Variants in NTM observed in about 807,000 individuals in gnomAD.
The protein encoded by NTM is neurotrimin, also known as IgLON family member 2.
A neutral mutation model predicts 42.1 loss-of-function variants in NTM; 13 were observed. The ratio of observed to expected loss-of-function variants is 0.31; its 90% CI spans 0.20 to 0.49. NTM has a LOEUF of 0.49. Ranked by LOEUF, NTM falls within the 20% of genes least tolerant of loss-of-function variation. NTM has a pLI of 0.99. For missense variants in NTM, 373 were observed against 452.8 expected (o/e 0.82, Z 1.60); for synonymous variants, 187 against 179.2 (o/e 1.04, Z -0.35).
At chr11:131,804,352 G>A (rs1453301464) in intron 1 of NTM, among the ~76,000 whole-genome samples, 2 of 152,064 alleles carry the variant, frequency 1.3e-5, no homozygotes, top group Non-Finnish European at 2.9e-5. Flanking sequence ...GTTGGGGTAC[G>A]GCCACACTCA....
chr11:131,611,276 T>C (rs1339405966), intron 1 of NTM, among the ~76,000 whole-genome samples: 1 of 152,176 alleles, frequency 6.6e-6, no homozygotes, highest in African/African-American at 2.4e-5. Flanking sequence ...TTGTTAAGTA[T>C]GAGGTAATAG....
chr11:131,549,901 T>C (rs2054431746), intron 1 of NTM, among the ~76,000 whole-genome samples: 1 of 152,236 alleles, frequency 6.6e-6, no homozygotes, highest in Non-Finnish European at 1.5e-5. Flanking sequence ...AGGTGATGTC[T>C]CTTTCCCGTG....
At chr11:131,915,292 T>C (rs992482667) in intron 2 of NTM, among the ~76,000 whole-genome samples, 1 of 152,162 alleles carries the variant, frequency 6.6e-6, no homozygotes, top group Non-Finnish European at 1.5e-5. Context: ...GTTCCTCTCA[T>C]TCCTCTGTGG....
At chr11:131,392,155 GC>G (rs943111796) in intron 1 of NTM, among the ~76,000 whole-genome samples, 4 of 152,312 alleles carry the variant, frequency 2.6e-5, no homozygotes, top group African/African-American at 9.6e-5. Flanking sequence ...TTCCATTAAA[GC>G]AAAAAGTCAT....
chr11:131,968,607 A>C lies in NTM; in HGVS notation c.167+56959A>C, dbSNP rs577652987. ...CCTGATCAGCGTTTCTGTCTTCCTGACTCCATGTGCTTTCCTTCTGAGTCT... is the reference window on the plus strand; with the variant it reads ...CCTGATCAGCGTTTCTGTCTTCCTGCCTCCATGTGCTTTCCTTCTGAGTCT... On this transcript the variant is annotated intron_variant, in intron 2 of 8. Transcript: ENST00000683400. Among the ~76,000 whole-genome samples the C allele has an allele frequency of 6.6e-5, 10 of 151,844 alleles. No individual in the cohort carries two copies. The South Asian group carries it at 1.7e-3, about 25-fold the overall frequency.
intron 1 of NTM, among the ~76,000 whole-genome samples, chr11:131,479,556 C>A (rs1302779320): frequency 6.6e-6 from 1 of 152,310 alleles, no homozygotes; most frequent in East Asian, 1.9e-4. Context: ...TTTGGAACTC[C>A]TCACCTTGGG....
At chr11:131,527,089 T>C (rs916407196) in intron 1 of NTM, among the ~76,000 whole-genome samples, 1 of 152,164 alleles carries the variant, frequency 6.6e-6, no homozygotes, top group Non-Finnish European at 1.5e-5. Flanking sequence ...AGCCAGTGCA[T>C]CAAATCTGGA....
chr11:131,561,104 G>T (rs74593395), intron 1 of NTM, among the ~76,000 whole-genome samples: 5 of 152,196 alleles, frequency 3.3e-5, no homozygotes, highest in Admixed American at 6.5e-5. Flanking sequence ...GGGAACAAGC[G>T]CAGTCAGGCT....
At chr11:132,199,272 A>G (rs556022470) in intron 3 of NTM, among the ~76,000 whole-genome samples, 1 of 152,356 alleles carries the variant, frequency 6.6e-6, no homozygotes, top group East Asian at 1.9e-4. Flanking sequence ...CATAGAGTGT[A>G]GTTCACCTAA....
intron 1 of NTM, among the ~76,000 whole-genome samples, chr11:131,678,301 T>C (rs2658831): frequency 0.75 from 114,723 of 152,250 alleles, 43,308 homozygotes; most frequent in Admixed American, 0.78. Context: ...GGTGGCTGGA[T>C]GGCCTGACCA....
At chr11:131,423,544 A>T (rs913022202) in intron 1 of NTM, among the ~76,000 whole-genome samples, 2 of 152,154 alleles carry the variant, frequency 1.3e-5, no homozygotes, top group African/African-American at 2.4e-5. Context: ...TTCACACAAA[A>T]CATGCTGTTG....
At position 131,775,852 on chromosome 11, in the gene NTM, G is replaced by A. The variant is rs1591761519; in HGVS notation, c.83-135712G>A. Reference sequence around the variant, plus strand: ...AACACAATGGTAATGTGAGATTAATGTGGAGCCGGTGCAAGTTGGGAGAGT... The same window carrying A: ...AACACAATGGTAATGTGAGATTAATATGGAGCCGGTGCAAGTTGGGAGAGT... On this transcript the variant is annotated intron_variant, in intron 1 of 8. Transcript: ENST00000683400. 2.0e-5 allele frequency among the ~76,000 whole-genome samples: 3 copies of A among 152,322 alleles called. No individual in the cohort carries two copies. In the South Asian group the frequency reaches 6.2e-4, roughly 32 times the overall value.
At chr11:131,647,734 C>T (rs2065942570) in intron 1 of NTM, among the ~76,000 whole-genome samples, 1 of 152,058 alleles carries the variant, frequency 6.6e-6, no homozygotes, top group South Asian at 2.1e-4. Flanking sequence ...TTATATTATA[C>T]CATGCTGGGT....
intron 3 of NTM, among the ~76,000 whole-genome samples, chr11:132,192,747 T>C (rs562337901): frequency 1.3e-5 from 2 of 152,230 alleles, no homozygotes; most frequent in East Asian, 1.9e-4. Context: ...TCTGCTGCCG[T>C]TGAGAGATAT....
At chr11:131,896,535 G>C (rs2052290456) in intron 1 of NTM, among the ~76,000 whole-genome samples, 2 of 152,108 alleles carry the variant, frequency 1.3e-5, no homozygotes, top group Admixed American at 1.3e-4. Context: ...TTTCAAACTA[G>C]TGAACACTTC....
intron 1 of NTM, among the ~76,000 whole-genome samples, chr11:131,678,408 C>A (rs575151830): frequency 1.3e-5 from 2 of 152,380 alleles, no homozygotes; most frequent in Non-Finnish European, 1.5e-5. Context: ...TATTTCTGCT[C>A]TATTCAACAC....
intron 3 of NTM, among the ~76,000 whole-genome samples, chr11:132,189,055 T>C (rs542863177): frequency 6.6e-6 from 1 of 152,322 alleles, no homozygotes; most frequent in Non-Finnish European, 1.5e-5. Flanking sequence ...TATCAGCATC[T>C]GGAGTAATTG....
At chr11:132,269,671 A>T (rs1001178771) in intron 4 of NTM, among the ~76,000 whole-genome samples, 1 of 152,220 alleles carries the variant, frequency 6.6e-6, no homozygotes. Flanking sequence ...TCTCTTCATG[A>T]CATGATACTG....
intron 3 of NTM, among the ~76,000 whole-genome samples, chr11:132,151,387 A>T (rs1200651757): frequency 2.0e-5 from 3 of 152,196 alleles, no homozygotes; most frequent in Non-Finnish European, 4.4e-5. Flanking sequence ...GTGTTAAGAA[A>T]GGTCCTCCTT....
Sources: gnomAD v4.1 joint callset for allele counts (sites outside exome capture counted in the v4.1 genomes callset) on GRCh38, gnomAD v4.1.1 for gene constraint, MANE v1.5 for transcripts, NCBI Gene and HGNC (gene_info 2026-07-23, HGNC 2026-07-21) for gene names.